The following CTNNA2 variants were observed in gnomAD, a reference collection of about 807,000 sequenced individuals.
CTNNA2 encodes catenin alpha 2.
Under a neutral mutation model 101.0 loss-of-function variants are expected in CTNNA2, and 42 were observed. That is an observed-to-expected ratio of 0.42 (90% confidence interval 0.32 to 0.54). The LOEUF is 0.54. Ranked by LOEUF, CTNNA2 falls within the 20% of genes least tolerant of loss-of-function variation. The probability of loss-of-function intolerance (pLI) is 0.14; values close to 1 mark genes in which losing one functional copy is unlikely to be tolerated. For synonymous variants in CTNNA2, 450 were observed against 456.4 expected (o/e 0.99, Z 0.18); for missense variants, 871 against 1,223.1 (o/e 0.71, Z 4.29).
chr2:79,213,971 T>A (rs1674212446), intron 2 of CTNNA2, among the ~76,000 whole-genome samples: 1 of 152,174 alleles, frequency 6.6e-6, no homozygotes, highest in Non-Finnish European at 1.5e-5. Context: ...TAAGGTCAAG[T>A]TGTTTGGACA....
intron 9 of CTNNA2, among the ~76,000 whole-genome samples, chr2:80,516,826 T>C (rs1352720887): frequency 6.6e-6 from 1 of 152,202 alleles, no homozygotes; most frequent in East Asian, 1.9e-4. Flanking sequence ...CTAACAACGG[T>C]AAATTAATAG....
At chr2:80,566,917 T>C (rs571092727) in intron 12 of CTNNA2, among the ~76,000 whole-genome samples, 1 of 152,282 alleles carries the variant, frequency 6.6e-6, no homozygotes, top group African/African-American at 2.4e-5. Context: ...GTGTCAGAAG[T>C]CATAACCAAG....
intron 7 of CTNNA2, among the ~76,000 whole-genome samples, chr2:80,222,018 A>G (rs533899696): frequency 1.3e-5 from 2 of 152,308 alleles, no homozygotes; most frequent in African/African-American, 2.4e-5. Context: ...AGGCTTTGCC[A>G]TTCCCCACCA....
chr2:80,505,788 TG>T (rs1435828572), intron 9 of CTNNA2, among the ~76,000 whole-genome samples: 4 of 152,224 alleles, frequency 2.6e-5, no homozygotes, highest in African/African-American at 9.6e-5. Context: ...CAAATATACT[TG>T]GATATGAAAA....
At chr2:79,188,974 A>G (rs1572970224) in intron 1 of CTNNA2, among the ~76,000 whole-genome samples, 1 of 152,200 alleles carries the variant, frequency 6.6e-6, no homozygotes, top group Admixed American at 6.5e-5. Context: ...CACTATCTGT[A>G]TTATTAAATA....
At chr2:80,413,190 T>G (rs889582523) in intron 8 of CTNNA2, among the ~76,000 whole-genome samples, 1 of 152,202 alleles carries the variant, frequency 6.6e-6, no homozygotes, top group Non-Finnish European at 1.5e-5. Context: ...TTATAAGTGT[T>G]GCTAATGATG....
At chr2:79,238,811 G>A (rs1434783090) in intron 2 of CTNNA2, among the ~76,000 whole-genome samples, 2 of 152,112 alleles carry the variant, frequency 1.3e-5, no homozygotes, top group African/African-American at 4.8e-5. Context: ...AGGCAGGGTA[G>A]GTATTTCTGT....
chr2:80,316,734 A>G (rs1052358820), intron 7 of CTNNA2, among the ~76,000 whole-genome samples: 2 of 152,172 alleles, frequency 1.3e-5, no homozygotes, highest in South Asian at 2.1e-4. Context: ...TTTTAACTAT[A>G]TATGCTTTGA....
chr2:79,475,039 G>A (rs961384857), intron 4 of CTNNA2, among the ~76,000 whole-genome samples: 1 of 152,120 alleles, frequency 6.6e-6, no homozygotes, highest in Non-Finnish European at 1.5e-5. Context: ...GTATAAAAAT[G>A]TATGAATACT....
chr2:80,436,139 G>T (rs1186722129), intron 9 of CTNNA2, among the ~76,000 whole-genome samples: 11 of 152,140 alleles, frequency 7.2e-5, no homozygotes, highest in Non-Finnish European at 1.3e-4. Flanking sequence ...CACGGTCATC[G>T]ACATTAGTGG....
chr2:79,321,909 A>G (rs1676633276), intron 3 of CTNNA2, among the ~76,000 whole-genome samples: 1 of 152,256 alleles, frequency 6.6e-6, no homozygotes, highest in Non-Finnish European at 1.5e-5. Flanking sequence ...GAGTCCCACA[A>G]ACCACAAGGC....
intron 3 of CTNNA2, among the ~76,000 whole-genome samples, chr2:79,826,315 A>T (rs896216993): frequency 6.6e-6 from 1 of 152,272 alleles, no homozygotes. Flanking sequence ...ACAAAATTCG[A>T]TAACAGTCAG....
chr2:80,374,682 C>CGTGTGTGT (rs57179557), intron 7 of CTNNA2, among the ~76,000 whole-genome samples: 104 of 134,024 alleles, frequency 7.8e-4, no homozygotes, highest in East Asian at 1.4e-3. Context: ...TGCGTGCGTG[C>CGTGTGTGT]GTGTGTGTGT....
chr2:80,108,260 C>A lies in CTNNA2; in HGVS notation c.1056+198463C>A, dbSNP rs560173983. Among the ~76,000 whole-genome samples, 9 of 152,248 alleles carry A rather than the reference C, an allele frequency of 5.9e-5. 1 individual carries two copies. In the South Asian group the frequency reaches 1.9e-3, roughly 32 times the overall value. On this transcript the variant is annotated intron_variant, in intron 7 of 18. Coordinates refer to ENST00000402739, the MANE Select transcript of CTNNA2 (RefSeq NM_001282597.3). ...GAGGAAGGTGGTCTCCACTGACCTA[C>A]CTAAGAAGGCTGTCACATTGGAAAC...
chr2:80,348,026 T>C (rs925023059), intron 7 of CTNNA2, among the ~76,000 whole-genome samples: 2 of 152,054 alleles, frequency 1.3e-5, no homozygotes, highest in Admixed American at 6.6e-5. Flanking sequence ...CCCCAGGTGG[T>C]TGTAAGGTAC....
At chr2:79,377,367 T>C (rs940055120) in intron 4 of CTNNA2, among the ~76,000 whole-genome samples, 18 of 152,180 alleles carry the variant, frequency 1.2e-4, no homozygotes, top group Non-Finnish European at 2.2e-4. Context: ...ACAAGGTCCT[T>C]GACTAAATCC....
At chr2:79,398,647 T>C (rs995394490) in intron 4 of CTNNA2, among the ~76,000 whole-genome samples, 2 of 151,914 alleles carry the variant, frequency 1.3e-5, no homozygotes, top group African/African-American at 4.8e-5. Context: ...TGAATGACAC[T>C]AGAAAATTTT....
At chr2:80,253,008 G>C (rs1171949901) in intron 7 of CTNNA2, among the ~76,000 whole-genome samples, 1 of 152,102 alleles carries the variant, frequency 6.6e-6, no homozygotes, top group Non-Finnish European at 1.5e-5. Context: ...AGCAGATGTA[G>C]ATCTGTTTTC....
chr2:80,102,855 C>T (rs1478436237), intron 7 of CTNNA2, among the ~76,000 whole-genome samples: 2 of 152,108 alleles, frequency 1.3e-5, no homozygotes, highest in East Asian at 1.9e-4. Context: ...GTGTCAGGGA[C>T]GATGGGATAA....
Sources: allele counts gnomAD v4.1 joint callset (sites outside exome capture counted in the v4.1 genomes callset), GRCh38; gene constraint gnomAD v4.1.1; transcripts MANE v1.5; gene names NCBI Gene and HGNC (gene_info 2026-07-23, HGNC 2026-07-21).